BMPER: variants seen among roughly 807,000 people sequenced by gnomAD.
The protein encoded by BMPER is BMP-binding endothelial regulator protein.
BMPER carries 45 observed loss-of-function variants against 87.3 expected under a neutral mutation model. That is an observed-to-expected ratio of 0.52 (90% CI 0.41 to 0.66). BMPER has a LOEUF of 0.66. BMPER is among the 30% of genes least tolerant of loss of function. The pLI is 0.00. For missense variants in BMPER, 784 were observed against 867.5 expected (o/e 0.90, Z 1.21); for synonymous variants, 326 against 316.2 (o/e 1.03, Z -0.33).
intron 6 of BMPER, among the ~76,000 whole-genome samples, chr7:33,982,657 GT>G (rs1785895076): frequency 1.3e-5 from 2 of 152,304 alleles, no homozygotes; most frequent in South Asian, 4.1e-4. Context: ...AATCCGAATA[GT>G]TGTGGTTTAC....
chr7:33,975,606 G>A (rs1012400737), intron 6 of BMPER, among the ~76,000 whole-genome samples: 2 of 152,162 alleles, frequency 1.3e-5, no homozygotes, highest in African/African-American at 2.4e-5. Flanking sequence ...TTAACCAGCT[G>A]CTCCAAGTCA....
At chr7:33,945,151 C>T (rs1015023810) in intron 3 of BMPER, among the ~76,000 whole-genome samples, 5 of 151,936 alleles carry the variant, frequency 3.3e-5, no homozygotes, top group Admixed American at 1.3e-4. Flanking sequence ...CCGTGTTAGC[C>T]AGGATCGTCT....
At chr7:34,112,410 G>A (rs1313412963) in intron 13 of BMPER, among the ~76,000 whole-genome samples, 4 of 142,282 alleles carry the variant, frequency 2.8e-5, no homozygotes, top group Non-Finnish European at 6.0e-5. Context: ...GCAGGAGAAC[G>A]GCGTGAACCT....
intron 6 of BMPER, among the ~76,000 whole-genome samples, chr7:34,028,138 T>C (rs1172144350): frequency 6.6e-6 from 1 of 152,094 alleles, no homozygotes; most frequent in East Asian, 1.9e-4. Flanking sequence ...TTTCTGTGTT[T>C]AGGTTGGGTT....
chr7:34,013,735 G>A (rs1381474770), intron 6 of BMPER, among the ~76,000 whole-genome samples: 2 of 151,748 alleles, frequency 1.3e-5, no homozygotes, highest in Non-Finnish European at 2.9e-5. Context: ...ATTTTTGTGA[G>A]GGTTAAGTTT....
At chr7:34,090,431 T>G (rs1789347785) in intron 13 of BMPER, among the ~76,000 whole-genome samples, 2 of 152,180 alleles carry the variant, frequency 1.3e-5, no homozygotes, top group Admixed American at 1.3e-4. Flanking sequence ...ATGTCCCAGA[T>G]GCCAACCGAG....
rs536841746 is a variant in BMPER, at chr7:34,153,657, T to G, written c.*384T>G. 1.9e-3 allele frequency: 375 copies of G among 197,882 alleles called. 12 individuals are homozygous for G. In the South Asian group the frequency reaches 0.029, roughly 15 times the overall value. 12.3% of individuals were successfully genotyped at this position (197,882 alleles called of 1,614,324 possible). Reference sequence around the variant, plus strand: ...AGAGCCCTCAATTGCCTGCCTGTATTAATTTTAGTTTTGAGTCAGGATTTG... The same window carrying G: ...AGAGCCCTCAATTGCCTGCCTGTATGAATTTTAGTTTTGAGTCAGGATTTG... On this transcript the variant is annotated 3_prime_UTR_variant, in exon 15 of 15. Coordinates refer to ENST00000649409, the MANE Select transcript of BMPER (RefSeq NM_001365308.1).
intron 13 of BMPER, among the ~76,000 whole-genome samples, chr7:34,119,149 TATCC>T (rs1336542715): frequency 6.6e-6 from 1 of 152,140 alleles, no homozygotes; most frequent in Non-Finnish European, 1.5e-5. Context: ...TGGATGAATA[TATCC>T]ATCACTGGCT....
chr7:34,143,630 C>T (rs541984561), intron 14 of BMPER, among the ~76,000 whole-genome samples: 1 of 152,338 alleles, frequency 6.6e-6, no homozygotes, highest in Admixed American at 6.5e-5. Flanking sequence ...TGACCTCAAA[C>T]TACCAGCTGG....
At chr7:34,150,697 G>T (rs997563113) in intron 14 of BMPER, among the ~76,000 whole-genome samples, 2 of 152,104 alleles carry the variant, frequency 1.3e-5, no homozygotes, top group African/African-American at 2.4e-5. Flanking sequence ...TAAAGGAAGG[G>T]TTATGTCAAT....
chr7:34,038,147 A>G (rs1234875748), intron 6 of BMPER, among the ~76,000 whole-genome samples: 2 of 152,226 alleles, frequency 1.3e-5, no homozygotes, highest in Admixed American at 1.3e-4. Flanking sequence ...CTTTGCAGAT[A>G]GGATTAAGTT....
intron 3 of BMPER, among the ~76,000 whole-genome samples, chr7:33,961,610 A>G (rs1195563417): frequency 2.0e-5 from 3 of 152,216 alleles, no homozygotes; most frequent in African/African-American, 4.8e-5. Flanking sequence ...AGCATCTAGA[A>G]GGTGTGGGAG....
chr7:34,063,109 T>C (rs1788484439), intron 11 of BMPER, among the ~76,000 whole-genome samples: 1 of 152,218 alleles, frequency 6.6e-6, no homozygotes, highest in East Asian at 1.9e-4. Flanking sequence ...GAGTGTTTTA[T>C]TGAAAGAGGA....
chr7:34,134,808 G>A (rs1035969090), intron 13 of BMPER, among the ~76,000 whole-genome samples: 8 of 152,170 alleles, frequency 5.3e-5, no homozygotes, highest in African/African-American at 1.9e-4. Context: ...CCATACATGC[G>A]TGATAGCTGT....
chr7:33,928,104 C>T (rs575103765), intron 2 of BMPER, among the ~76,000 whole-genome samples: 9 of 152,178 alleles, frequency 5.9e-5, no homozygotes, highest in Middle Eastern at 3.4e-3. Flanking sequence ...TGTTCTCTGC[C>T]GCACCGACCC....
At chr7:34,130,359 G>A (rs992975375) in intron 13 of BMPER, among the ~76,000 whole-genome samples, 7 of 152,078 alleles carry the variant, frequency 4.6e-5, no homozygotes, top group African/African-American at 1.7e-4. Flanking sequence ...TCTTGTAAAA[G>A]TATTCCTGCT....
At chr7:34,089,732 C>T (rs1401333953) in intron 13 of BMPER, among the ~76,000 whole-genome samples, 1 of 152,134 alleles carries the variant, frequency 6.6e-6, no homozygotes, top group African/African-American at 2.4e-5. Context: ...GATCTGCCTG[C>T]CTCAGCCTCC....
intron 14 of BMPER, among the ~76,000 whole-genome samples, chr7:34,143,927 A>T (rs1790947596): frequency 6.6e-6 from 1 of 152,212 alleles, no homozygotes; most frequent in Non-Finnish European, 1.5e-5. Context: ...TTGTGCTGAC[A>T]CTGGGTACTT....
intron 3 of BMPER, among the ~76,000 whole-genome samples, chr7:33,958,221 C>T (rs1383047727): frequency 1.3e-5 from 2 of 152,200 alleles, no homozygotes; most frequent in African/African-American, 4.8e-5. Flanking sequence ...TGCATTTGCT[C>T]TCTTCTTAGC....
Sources: gnomAD v4.1 joint callset for allele counts (sites outside exome capture counted in the v4.1 genomes callset) on GRCh38, gnomAD v4.1.1 for gene constraint, MANE v1.5 for transcripts, NCBI Gene and HGNC (gene_info 2026-07-23, HGNC 2026-07-21) for gene names.